The following ABCD3 variants were observed in gnomAD, a reference collection of about 807,000 sequenced individuals.
ABCD3 encodes the protein ATP-binding cassette sub-family D member 3.
In ABCD3, 41 loss-of-function variants were observed where a neutral mutation model predicts 105.5. The observed-to-expected ratio is 0.39, with a 90% confidence interval of 0.30 to 0.50. The LOEUF is 0.50. Ranked by LOEUF, ABCD3 falls within the 20% of genes least tolerant of loss-of-function variation. The pLI, the probability that ABCD3 is intolerant of heterozygous loss-of-function variation, is 0.84. For missense variants in ABCD3, 622 were observed against 806.3 expected (o/e 0.77, Z 2.77); for synonymous variants, 258 against 269.0 (o/e 0.96, Z 0.40).
the ABCD3 span, among the ~76,000 whole-genome samples, chr1:94,409,713 A>T: frequency 6.6e-6 from 1 of 152,206 alleles, no homozygotes; most frequent in African/African-American, 2.4e-5. Flanking sequence ...AGATTTTAGC[A>T]ATTTTCCACT....
chr1:94,467,337 A>G (rs969744836), intron 3 of ABCD3, among the ~76,000 whole-genome samples: 5 of 152,154 alleles, frequency 3.3e-5, no homozygotes, highest in Admixed American at 6.5e-5. Context: ...AGCTTAGGAC[A>G]TGAAATGATA....
chr1:94,397,319 GCT>G, the ABCD3 span, among the ~76,000 whole-genome samples: 9 of 152,116 alleles, frequency 5.9e-5, no homozygotes, highest in Non-Finnish European at 1.3e-4. Flanking sequence ...TTCCACTTAT[GCT>G]CTTTTTCTGC....
chr1:94,460,084 G>T (rs948402645), intron 2 of ABCD3, among the ~76,000 whole-genome samples: 3 of 152,088 alleles, frequency 2.0e-5, no homozygotes, highest in Non-Finnish European at 2.9e-5. Context: ...TTGTGCACAA[G>T]TTTTTATGTA....
In ABCD3 at chr1:94,435,003, C is replaced by T. The variant is rs192857702; in HGVS notation, c.110+16415C>T. On this transcript the variant is annotated intron_variant, in intron 1 of 22. Transcript: ENST00000370214. ...TTTTTTTTTATCTATGTCTCTTAAC[C>T]TACATATCCCCCTGCCACCTCCCTT... Among the ~76,000 whole-genome samples the T allele has an allele frequency of 3.8e-3, 582 of 152,088 alleles. 20 individuals carry two copies. The highest frequency in any genetic ancestry group is 0.034 in the Admixed American group (513 of 15,286).
intron 22 of ABCD3, among the ~76,000 whole-genome samples, chr1:94,516,679 A>G (rs1457630306): frequency 6.6e-6 from 1 of 151,956 alleles, no homozygotes; most frequent in Non-Finnish European, 1.5e-5. Flanking sequence ...CACTAAATAA[A>G]AACAGAAGGC....
chr1:94,416,866 A>G (rs988263470), upstream of ABCD3, among the ~76,000 whole-genome samples: 2 of 152,254 alleles, frequency 1.3e-5, no homozygotes. Context: ...TCAGAAGGCC[A>G]AGAAGAATCT....
intron 1 of ABCD3, among the ~76,000 whole-genome samples, chr1:94,429,890 C>T (rs1659608258): frequency 6.6e-6 from 1 of 152,352 alleles, no homozygotes; most frequent in African/African-American, 2.4e-5. Context: ...CTCCAGACCC[C>T]AGAAGGGTAG....
At chr1:94,418,333 C>T, upstream of ABCD3, 2 of 535,812 alleles carry the variant, frequency 3.7e-6, no homozygotes, top group South Asian at 3.7e-5. Flanking sequence ...GCGGGCGGCG[C>T]GGCGGCGCGA....
At chr1:94,453,826 T>C (rs1184901847) in intron 1 of ABCD3, among the ~76,000 whole-genome samples, 1 of 152,016 alleles carries the variant, frequency 6.6e-6, no homozygotes, top group African/African-American at 2.4e-5. Flanking sequence ...TCTTGAATTT[T>C]AATGTATTAG....
chr1:94,463,929 G>A (rs927728), intron 2 of ABCD3, among the ~76,000 whole-genome samples: 4 of 151,942 alleles, frequency 2.6e-5, no homozygotes, highest in Admixed American at 1.3e-4. Flanking sequence ...TGTGCACACC[G>A]ATTTTATTTC....
intron 16 of ABCD3, among the ~76,000 whole-genome samples, chr1:94,497,632 T>C (rs1287145776): frequency 6.6e-6 from 1 of 152,236 alleles, no homozygotes; most frequent in Non-Finnish European, 1.5e-5. Context: ...GTGACACTTG[T>C]ATATATTTAT....
At chr1:94,456,254 AAT>A (rs1491163287) in intron 1 of ABCD3, among the ~76,000 whole-genome samples, 18 of 125,412 alleles carry the variant, frequency 1.4e-4, no homozygotes, top group African/African-American at 5.1e-4. Context: ...CAAATGACAG[AAT>A]TTTTTTTTTT....
rs747456119 is a variant in ABCD3 at position 94,418,857 on chromosome 1, A to T, written c.110+269A>T. ...GCGGGCGAACCGGCGCCCAGCCAGC[A>T]CTCAGGCAGCGGCCTCCAGTTGGGG... is the stretch of plus-strand genomic sequence containing the variant. On this transcript the variant is annotated intron_variant, in intron 1 of 22. Transcript: ENST00000370214. 2.5e-4 allele frequency: 132 copies of T among 525,148 alleles called. 1 individual carries two copies. The highest frequency in any genetic ancestry group is 1.0e-3 in the Middle Eastern group (2 of 1,968). 32.5% of individuals were successfully genotyped at this position (525,148 alleles called of 1,614,324 possible). A position where few individuals can be genotyped will look rare whatever the true frequency, so the allele number is the denominator to read the frequency against.
chr1:94,487,958 G>A lies in ABCD3; in HGVS notation c.1132G>A (p.Gly378Arg). Residue 378 changes from glycine (G) to arginine (R), a missense_variant, in exon 13 of 23, where the codon GGG becomes AGG. Around this residue, in one of 4 missense-constraint regions of ABCD3, gnomAD observed 285 missense variants for 352.5 expected, o/e 0.81. Coordinates refer to ENST00000370214, the MANE Select transcript of ABCD3 (RefSeq NM_002858.4). ...AGCTCTGGGTCGAATAGTTTTGGCTGGGCGTGAAATGACTAGATTGGCCGG... is the reference window on the plus strand; with the variant it reads ...AGCTCTGGGTCGAATAGTTTTGGCTAGGCGTGAAATGACTAGATTGGCCGG... ...SQALGRIVLA[G>R]REMTRLAGFT... 6.2e-7 allele frequency: 1 copy of A among 1,613,656 alleles called. No homozygotes were observed. Among genetic ancestry groups the A allele is most frequent in the Non-Finnish European group, 8.5e-7 (1 of 1,179,736 alleles).
At chr1:94,487,089 A>G (rs192057966) in intron 10 of ABCD3, among the ~76,000 whole-genome samples, 456 of 152,180 alleles carry the variant, frequency 3.0e-3, no homozygotes, top group Middle Eastern at 0.014. Flanking sequence ...GGTGTAATAC[A>G]ATTCTTAGAT....
At chr1:94,414,704 C>T (rs1658968030), upstream of ABCD3, among the ~76,000 whole-genome samples, 1 of 152,190 alleles carries the variant, frequency 6.6e-6, no homozygotes, top group Non-Finnish European at 1.5e-5. Context: ...CCTCCCTCAG[C>T]CTCCATCCAC....
the ABCD3 span, among the ~76,000 whole-genome samples, chr1:94,392,841 T>A: frequency 6.6e-6 from 1 of 152,082 alleles, no homozygotes; most frequent in Non-Finnish European, 1.5e-5. Context: ...AGGCTGGGCG[T>A]GGTGGCTCAT....
At chr1:94,438,653 C>T (rs1660017189) in intron 1 of ABCD3, among the ~76,000 whole-genome samples, 1 of 152,142 alleles carries the variant, frequency 6.6e-6, no homozygotes, top group Admixed American at 6.6e-5. Flanking sequence ...CACAGCCACC[C>T]CAGCCTTCAG....
chr1:94,458,741 G>A, intron 2 of ABCD3, 98 bp downstream of exon 2: 1 of 1,258,486 alleles, frequency 7.9e-7, no homozygotes, highest in South Asian at 1.3e-5. Context: ...ATAATTAGTA[G>A]GGAACTTAAA....
Sources: gnomAD v4.1 joint callset for allele counts (sites outside exome capture counted in the v4.1 genomes callset) on GRCh38, gnomAD v4.1.1 for gene constraint, gnomAD v4.1.1 regional missense constraint, MANE v1.5 for transcripts, NCBI Gene and HGNC (gene_info 2026-07-23, HGNC 2026-07-21) for gene names.